The following ELOA2 variants were observed in gnomAD, a reference collection of about 807,000 sequenced individuals.
The protein encoded by ELOA2 is elongin A2.
For synonymous variants in ELOA2, 497 were observed against 398.8 expected (o/e 1.25, Z -2.94); for missense variants, 1,271 against 979.7 (o/e 1.30, Z -3.97).
In ELOA2 at chr18:47,035,495, G is replaced by T; in HGVS notation, c.-231C>A. 1 of 869,938 alleles carries T rather than the reference G, an allele frequency of 1.1e-6. No individual in the cohort carries two copies. Among genetic ancestry groups the T allele is most frequent in the Non-Finnish European group, 1.8e-6 (1 of 570,114 alleles). 53.9% of individuals were successfully genotyped at this position (869,938 alleles called of 1,614,324 possible). A position where few individuals can be genotyped will look rare whatever the true frequency, so the allele number is the denominator to read the frequency against. On this transcript the variant is annotated 5_prime_UTR_variant, in exon 1 of 1. Transcript: ENST00000332567. ...CAGGCCCGCTTTTGTTCCTCGGGAT[G>T]TGGAGCCACAGCCTGGAGTGACCTC...
chr18:47,034,648 A>G lies in ELOA2; in HGVS notation c.617T>C (p.Leu206Pro), dbSNP rs1256412479. 5 of 1,613,794 alleles carry G rather than the reference A, an allele frequency of 3.1e-6. No individual in the cohort carries two copies. The African/African-American group carries it at 6.7e-5, about 22-fold the overall frequency. ...TTGGCCCTGGCAGCCTGGACACAGC[A>G]GAGGCCCGCCCTGAGCCGCGTGAGT... ...GHTHAAQGGPLLCPGCQGQPQ... is the reference protein window; with the variant it reads ...GHTHAAQGGPPLCPGCQGQPQ... The change falls in exon 1 of 1, where the codon CTG becomes CCG. Residue 206 changes from leucine (L) to proline (P), a missense_variant. Coordinates refer to ENST00000332567, the MANE Select transcript of ELOA2 (RefSeq NM_016427.3).
chr18:47,034,877 G>T lies in ELOA2; in HGVS notation c.388C>A (p.Arg130=), dbSNP rs766120431. 1.9e-5 allele frequency: 31 copies of T among 1,611,996 alleles called. 2 individuals carry two copies. Among genetic ancestry groups the T allele is most frequent in the Middle Eastern group, 4.5e-4 (2 of 4,472 alleles). ...RSPSHSPEHR[R]TARRTPPGQQ... is the part of the protein sequence containing the mutation. ...CCCGGAGGTGTTCTGCGTGCTGTCC[G>T]TCTGTGCTCAGGGCTGTGAGATGGG... The change falls in exon 1 of 1, where the codon CGG becomes AGG. Residue 130 remains arginine (R), a synonymous_variant. Coordinates refer to ENST00000332567, the MANE Select transcript of ELOA2 (RefSeq NM_016427.3).
chr18:47,033,918 G>A lies in ELOA2; in HGVS notation c.1347C>T (p.Ala449=). Residue 449 remains alanine (A), a synonymous_variant, in exon 1 of 1, where the codon GCC becomes GCT. Coordinates refer to ENST00000332567, the MANE Select transcript of ELOA2 (RefSeq NM_016427.3). ...ERLQAAGADS[A]GPKTVPSHVF... is the part of the protein sequence containing the mutation. The stretch of plus-strand genomic sequence containing the variant: ...CATGGCTGGGCACCGTTTTCGGCCC[G>A]GCGGAATCAGCGCCGGCCGCCTGCA... 2 of 1,613,014 alleles carry A rather than the reference G, an allele frequency of 1.2e-6. No individual in the cohort carries two copies. Among genetic ancestry groups the A allele is most frequent in the Non-Finnish European group, 1.7e-6 (2 of 1,180,004 alleles).
In ELOA2 at chr18:47,035,193, C is replaced by T. The variant is rs1351406645; in HGVS notation, c.72G>A (p.Pro24=). ...TCTGCAAATATTTCTCTAGCTTTTT[C>T]GGCTCCGTCTTAGTGGCCAGACGCA... is the stretch of plus-strand genomic sequence containing the variant. ...LQVRLATKTE[P]KKLEKYLQKL... is the part of the protein sequence containing the mutation. Residue 24 remains proline (P), a synonymous_variant, in exon 1 of 1, where the codon CCG becomes CCA. Coordinates refer to ENST00000332567, the MANE Select transcript of ELOA2 (RefSeq NM_016427.3). 2.5e-6 allele frequency: 4 copies of T among 1,612,474 alleles called. No homozygotes were observed. Among genetic ancestry groups the T allele is most frequent in the African/African-American group, 1.3e-5 (1 of 74,886 alleles).
rs756699078 is a variant in ELOA2 at position 47,035,272 on chromosome 18, G to C, written c.-8C>G. 32 of 1,612,454 alleles carry C rather than the reference G, an allele frequency of 2.0e-5. No homozygotes were observed. The highest frequency in any genetic ancestry group is 2.6e-5 in the Non-Finnish European group (31 of 1,179,868). On this transcript the variant is annotated 5_prime_UTR_variant, in exon 1 of 1. Transcript: ENST00000332567. ...AGTGGACCCTGCCGCCATCTCACCA[G>C]AGCTGTGCAGGCGTCGCTGTCCCGG...
chr18:47,035,246 T>G lies in ELOA2; in HGVS notation c.19A>C (p.Thr7Pro). The G allele has an allele frequency of 6.2e-7, 1 of 1,612,772 alleles. No individual in the cohort carries two copies. The highest frequency in any genetic ancestry group is 8.5e-7 in the Non-Finnish European group (1 of 1,179,836). Residue 7 changes from threonine (T) to proline (P), a missense_variant, in exon 1 of 1, where the codon ACG (threonine) becomes CCG (proline). Thr to Pro is a conservative substitution (Grantham distance 38, BLOSUM62 -1). Coordinates refer to ENST00000332567, the MANE Select transcript of ELOA2 (RefSeq NM_016427.3). ...TGCAGCTTCTCCACTGCGTGCAGCG[T>G]AGTGGACCCTGCCGCCATCTCACCA... The part of the protein sequence containing the change: MAAGST[T>P]LHAVEKLQVR...
In ELOA2 at chr18:47,033,082, C is replaced by T. The variant is rs1172146243; in HGVS notation, c.2183G>A (p.Arg728Gln). 11 of 1,614,088 alleles carry T rather than the reference C, an allele frequency of 6.8e-6. No homozygotes were observed. Among genetic ancestry groups the T allele is most frequent in the East Asian group, 6.7e-5 (3 of 44,884 alleles). ...NEHAAPAAKT[R>Q]KQAAKKVAPL... ...GGCCACTTTCTTGGCAGCCTGTTTC[C>T]GGGTTTTGGCCGCGGGCGCCGCGTG... The change falls in exon 1 of 1, where the codon CGG becomes CAG. Residue 728 changes from arginine (R) to glutamine (Q), a missense_variant. Arg to Gln is a conservative substitution (Grantham distance 43). Coordinates refer to ENST00000332567, the MANE Select transcript of ELOA2 (RefSeq NM_016427.3).
In ELOA2 at chr18:47,033,799, G is replaced by A; in HGVS notation, c.1466C>T (p.Pro489Leu). The A allele has an allele frequency of 6.2e-7, 1 of 1,614,206 alleles. No individual in the cohort carries two copies. The highest frequency in any genetic ancestry group is 8.5e-7 in the Non-Finnish European group (1 of 1,180,054). The change falls in exon 1 of 1, where the codon CCA becomes CTA. Residue 489 changes from proline (P) to leucine (L), a missense_variant. Coordinates refer to ENST00000332567, the MANE Select transcript of ELOA2 (RefSeq NM_016427.3). ...DSDSMTSQAK[P>L]EALSSPKFRE... ...GAACTTTGGTGAAGAGAGTGCTTCT[G>A]GCTTTGCCTGGGAGGTCATGGAGTC...
chr18:47,034,178 A>T lies in ELOA2; in HGVS notation c.1087T>A (p.Ser363Thr). The T allele has an allele frequency of 6.2e-7, 1 of 1,614,122 alleles. No homozygotes were observed. Among genetic ancestry groups the T allele is most frequent in the South Asian group, 1.1e-5 (1 of 91,068 alleles). The stretch of plus-strand genomic sequence containing the variant: ...TCTACCTCCTCCACCTCAGAGAGGG[A>T]GCTCACGGACGTTCTGTCCAAATGA... ...TAHLDRTSVS[S>T]LSEVEEVDMA... Residue 363 changes from serine (S) to threonine (T), a missense_variant, in exon 1 of 1, where the codon TCC becomes ACC. Coordinates refer to ENST00000332567, the MANE Select transcript of ELOA2 (RefSeq NM_016427.3).
In ELOA2 at chr18:47,033,282, A is replaced by G. The variant is rs1325895872; in HGVS notation, c.1983T>C (p.Ser661=). The G allele has an allele frequency of 3.7e-6, 6 of 1,613,372 alleles. No homozygotes were observed. The South Asian group carries it at 6.6e-5, about 18-fold the overall frequency. The change falls in exon 1 of 1, where the codon TCT becomes TCC. Residue 661 remains serine, a synonymous_variant. Coordinates refer to ENST00000332567, the MANE Select transcript of ELOA2 (RefSeq NM_016427.3). ...PYDTSRRQEK[S]AGDADPENGE... ...CATTTTCGGGGTCAGCGTCTCCTGCAGACTTCTCTTGCCTCCTTGAAGTAT... is the reference window on the plus strand; with the variant it reads ...CATTTTCGGGGTCAGCGTCTCCTGCGGACTTCTCTTGCCTCCTTGAAGTAT...
chr18:47,034,691 G>C lies in ELOA2; in HGVS notation c.574C>G (p.Gln192Glu). 1 of 1,613,190 alleles carries C rather than the reference G, an allele frequency of 6.2e-7. No individual in the cohort carries two copies. The highest frequency in any genetic ancestry group is 1.3e-5 in the African/African-American group (1 of 75,040). ...GCGTGAGTGTGGCCTCTTCCGGGTTGCTTCCCGGGCGCAGCGGGCTCAGGG... is the reference window on the plus strand; with the variant it reads ...GCGTGAGTGTGGCCTCTTCCGGGTTCCTTCCCGGGCGCAGCGGGCTCAGGG... ...EGPEPAAPGKQPGRGHTHAAQ... is the reference protein window; with the variant it reads ...EGPEPAAPGKEPGRGHTHAAQ... Residue 192 changes from glutamine (Q) to glutamate (E), a missense_variant, in exon 1 of 1, where the codon CAA (glutamine) becomes GAA (glutamate). Coordinates refer to ENST00000332567, the MANE Select transcript of ELOA2 (RefSeq NM_016427.3).
In ELOA2 at chr18:47,033,188, C is replaced by T. The variant is rs1167013192; in HGVS notation, c.2077G>A (p.Gly693Ser). Residue 693 changes from glycine to serine, a missense_variant, in exon 1 of 1, where the codon GGT (glycine) becomes AGT (serine). Gly to Ser is a moderately conservative substitution (Grantham distance 56). Coordinates refer to ENST00000332567, the MANE Select transcript of ELOA2 (RefSeq NM_016427.3). ...ATGCTGCTGCTGCTGTCTCTGCCAC[C>T]GCCGCTGCTGCTCTGGCTGGAGGGA... is the stretch of plus-strand genomic sequence containing the variant. ...HTPSSQSSSG[G>S]GRDSSSSILR... The T allele has an allele frequency of 1.2e-6, 2 of 1,614,136 alleles. No individual in the cohort carries two copies.
chr18:47,033,660 C>G lies in ELOA2; in HGVS notation c.1605G>C (p.Gln535His), dbSNP rs762173120. The G allele has an allele frequency of 2.4e-5, 39 of 1,614,090 alleles. No individual in the cohort carries two copies. The highest frequency in any genetic ancestry group is 3.0e-5 in the Non-Finnish European group (35 of 1,180,052). ...GGGCGTCCGGATTGTTTCTAAGCAC[C>G]TGGGCACACTGCTGGCGCAGCGTCG... ...QVPTLRQQCA[Q>H]VLRNNPDALS... is the part of the protein sequence containing the mutation. Residue 535 changes from glutamine (Q) to histidine (H), a missense_variant, in exon 1 of 1, where the codon CAG becomes CAC. Transcript: ENST00000332567.
chr18:47,035,002 T>G lies in ELOA2; in HGVS notation c.263A>C (p.Gln88Pro). The G allele has an allele frequency of 2.5e-6, 4 of 1,611,584 alleles. No homozygotes were observed. Among genetic ancestry groups the G allele is most frequent in the African/African-American group, 1.3e-5 (1 of 74,966 alleles). Reference protein sequence around the residue: ...LVDRNTRPGPQDPEESASRQR... With the variant: ...LVDRNTRPGPPDPEESASRQR... ...TCGGGAAGCGCTCTCCTCAGGGTCC[T>G]GTGGGCCAGGCCGGGTGTTTCGGTC... is the stretch of plus-strand genomic sequence containing the variant. Residue 88 changes from glutamine to proline, a missense_variant, in exon 1 of 1, where the codon CAG (glutamine) becomes CCG (proline). Transcript: ENST00000332567.
Position 47,034,460 on chromosome 18 carries a change from C to G in ELOA2, c.805G>C (p.Ala269Pro), listed in dbSNP as rs775238403. The G allele has an allele frequency of 1.2e-6, 2 of 1,614,170 alleles. No individual in the cohort carries two copies. Among genetic ancestry groups the G allele is most frequent in the Non-Finnish European group, 1.7e-6 (2 of 1,180,046 alleles). ...GAAGGCTGCCTGTCCCTGGCACTTG[C>G]CCAGGAGGGCATCCTTGGGGTTTCC... ...REETPRMPSW[A>P]SARDRQPSDF... The change falls in exon 1 of 1, where the codon GCA (alanine) becomes CCA (proline). Residue 269 changes from alanine (A) to proline (P), a missense_variant. Coordinates refer to ENST00000332567, the MANE Select transcript of ELOA2 (RefSeq NM_016427.3).
rs1263997462 is a variant in ELOA2, at chr18:47,033,724, A to C, written c.1541T>G (p.Val514Gly). The C allele has an allele frequency of 6.8e-6, 11 of 1,614,046 alleles. No homozygotes were observed. The East Asian group carries it at 2.5e-4, about 36-fold the overall frequency. Residue 514 changes from valine (V) to glycine (G), a missense_variant, in exon 1 of 1, where the codon GTG becomes GGG. By Grantham distance (109) the Val-to-Gly change is moderately radical. Coordinates refer to ENST00000332567, the MANE Select transcript of ELOA2 (RefSeq NM_016427.3). Reference sequence around the variant, plus strand: ...GCAGGCAGGCCTGGAGCCCGAGTACACCGGCATCTTAGCATTCACTCTGCG... The same window carrying C: ...GCAGGCAGGCCTGGAGCCCGAGTACCCCGGCATCTTAGCATTCACTCTGCG... ...PGRRVNAKMP[V>G]YSGSRPACQL...
In ELOA2 at chr18:47,034,714, G is replaced by A. The variant is rs770458411; in HGVS notation, c.551C>T (p.Pro184Leu). 6.2e-7 allele frequency: 1 copy of A among 1,612,866 alleles called. No homozygotes were observed. The highest frequency in any genetic ancestry group is 1.3e-5 in the African/African-American group (1 of 74,906). Residue 184 changes from proline to leucine, a missense_variant, in exon 1 of 1, where the codon CCT becomes CTT. Coordinates refer to ENST00000332567, the MANE Select transcript of ELOA2 (RefSeq NM_016427.3). Reference protein sequence around the residue: ...RTAPLRMPEGPEPAAPGKQPG... With the variant: ...RTAPLRMPEGLEPAAPGKQPG... ...TTGCTTCCCGGGCGCAGCGGGCTCA[G>A]GGCCCTCGGGCATCCGGAGGGGAGC...
At position 47,033,429 on chromosome 18, in the gene ELOA2, C is replaced by T. The variant is rs756246313; in HGVS notation, c.1836G>A (p.Pro612=). The change falls in exon 1 of 1, where the codon CCG becomes CCA. Residue 612 remains proline, a synonymous_variant. Coordinates refer to ENST00000332567, the MANE Select transcript of ELOA2 (RefSeq NM_016427.3). ...KTWREQYLRL[P]DAPEQRLRVM... ...CTCTCAGCCGCTGCTCTGGGGCGTC[C>T]GGAAGCCGCAGGTACTGCTCCCTCC... The T allele has an allele frequency of 5.6e-6, 9 of 1,613,570 alleles. No individual in the cohort carries two copies. Among genetic ancestry groups the T allele is most frequent in the East Asian group, 2.2e-5 (1 of 44,896 alleles).
rs2060726469 is a variant in ELOA2 at position 47,035,439 on chromosome 18, T to C, written c.-175A>G. On this transcript the variant is annotated 5_prime_UTR_variant, in exon 1 of 1. Coordinates refer to ENST00000332567, the MANE Select transcript of ELOA2 (RefSeq NM_016427.3). ...GTCCTCGGAGCAGCAGGCCACTTGGTCTGGAACGGCCGTCCTTGCAGACAG... is the reference window on the plus strand; with the variant it reads ...GTCCTCGGAGCAGCAGGCCACTTGGCCTGGAACGGCCGTCCTTGCAGACAG... The C allele has an allele frequency of 1.1e-5, 15 of 1,381,128 alleles. No individual in the cohort carries two copies. The South Asian group carries it at 1.9e-4, about 18-fold the overall frequency. The allele number at this position is 1,381,128 out of a possible 1,614,324, so 85.6% of individuals were successfully genotyped here. A position where few individuals can be genotyped will look rare whatever the true frequency, so the allele number is the denominator to read the frequency against.
Sources: allele counts gnomAD v4.1 joint callset, GRCh38; gene constraint gnomAD v4.1.1; transcripts MANE v1.5; gene names NCBI Gene and HGNC (gene_info 2026-07-23, HGNC 2026-07-21).